The following TSPAN9 variants were observed in gnomAD, a reference collection of about 807,000 sequenced individuals.
TSPAN9 encodes tetraspanin 9, also known as tetraspanin-9.
A neutral mutation model predicts 31.0 loss-of-function variants in TSPAN9; 16 were observed. The ratio of observed to expected loss-of-function variants is 0.52; its 90% CI spans 0.35 to 0.78. The LOEUF (loss-of-function observed/expected upper bound fraction) is 0.78. Among genes scored for constraint, TSPAN9 ranks in the 30% least tolerant of loss-of-function variants. The pLI, the probability that TSPAN9 is intolerant of heterozygous loss-of-function variation, is 0.01. For synonymous variants in TSPAN9, 145 were observed against 121.6 expected (o/e 1.19, Z -1.27); for missense variants, 272 against 312.5 (o/e 0.87, Z 0.98).
chr12:3,219,288 G>A (rs1056204387), intron 3 of TSPAN9, among the ~76,000 whole-genome samples: 24 of 152,216 alleles, frequency 1.6e-4, no homozygotes, highest in Admixed American at 2.6e-4. Context: ...TGCCCTGTGC[G>A]GTTGTTGAGT....
Position 3,243,585 on chromosome 12 carries a change from G to A in TSPAN9, c.64-34836G>A, listed in dbSNP as rs552544983. Among the ~76,000 whole-genome samples, 117 of 152,300 alleles carry A rather than the reference G, an allele frequency of 7.7e-4. 1 individual carries two copies. Among genetic ancestry groups the A allele is most frequent in the African/African-American group, 2.7e-3 (114 of 41,582 alleles). On this transcript the variant is annotated intron_variant, in intron 3 of 8. Coordinates refer to ENST00000011898, the MANE Select transcript of TSPAN9 (RefSeq NM_006675.5). ...GCAGCTTAGGGCACAGCCAGATCAC[G>A]GCACAGGAAGCTTCAGTCGTGGGGA...
chr12:3,279,383 G>C (rs1862855037), intron 5 of TSPAN9, among the ~76,000 whole-genome samples: 2 of 152,246 alleles, frequency 1.3e-5, no homozygotes, highest in African/African-American at 2.4e-5. Context: ...CTCACTGGAA[G>C]GAATTAAGCT....
At chr12:3,174,309 C>T (rs2098353798) in intron 2 of TSPAN9, among the ~76,000 whole-genome samples, 1 of 152,206 alleles carries the variant, frequency 6.6e-6, no homozygotes, top group African/African-American at 2.4e-5. Flanking sequence ...TCAAGCGATC[C>T]TCCCACCTAA....
chr12:3,099,945 C>T (rs1206027480), intron 2 of TSPAN9, among the ~76,000 whole-genome samples: 1 of 151,724 alleles, frequency 6.6e-6, no homozygotes, highest in African/African-American at 2.4e-5. Context: ...GGGTTCATGC[C>T]ATTCTCCTGC....
chr12:3,111,563 A>G (rs1591632908), intron 2 of TSPAN9, among the ~76,000 whole-genome samples: 1 of 152,112 alleles, frequency 6.6e-6, no homozygotes, highest in Non-Finnish European at 1.5e-5. Context: ...ATAGATACTA[A>G]CACAAAAAAT....
chr12:3,178,876 G>A (rs2098357325), intron 2 of TSPAN9, among the ~76,000 whole-genome samples: 2 of 152,310 alleles, frequency 1.3e-5, no homozygotes, highest in South Asian at 4.1e-4. Context: ...TCTGCTGTGG[G>A]GGATCTGATG....
At position 3,168,860 on chromosome 12, in the gene TSPAN9, G is replaced by A. The variant is rs1329716828; in HGVS notation, c.-17-32317G>A. Among the ~76,000 whole-genome samples the A allele has an allele frequency of 1.3e-5, 2 of 152,152 alleles. No homozygotes were observed. The highest frequency in any genetic ancestry group is 2.9e-5 in the Non-Finnish European group (2 of 68,026). On this transcript the variant is annotated intron_variant, in intron 2 of 8. Transcript: ENST00000011898. The surrounding 1 kb of genome is among the most constrained non-coding windows in gnomAD (Gnocchi z 4.0). ...GCCTCGATGGCCCCGCCTCCCTCCC[G>A]GCCAGTGTGGGCGTGCAGATGGATG...
chr12:3,138,078 G>A (rs940084605), intron 2 of TSPAN9, among the ~76,000 whole-genome samples: 2 of 152,192 alleles, frequency 1.3e-5, no homozygotes, highest in Non-Finnish European at 2.9e-5. Context: ...CAGGAGCCTA[G>A]GACTGCATTT....
intron 5 of TSPAN9, among the ~76,000 whole-genome samples, chr12:3,279,358 G>A (rs889701694): frequency 2.6e-5 from 4 of 152,246 alleles, no homozygotes; most frequent in African/African-American, 7.2e-5. Context: ...TGCCTCTGGC[G>A]CTAGTGAGCT....
rs141288801 is a variant in TSPAN9 at position 3,079,219 on chromosome 12, T to G, written c.-85+1766T>G. 2.6e-3 allele frequency among the ~76,000 whole-genome samples: 396 copies of G among 152,338 alleles called. 2 individuals carry two copies. Among genetic ancestry groups the G allele is most frequent in the African/African-American group, 9.0e-3 (373 of 41,578 alleles). On this transcript the variant is annotated intron_variant, in intron 1 of 8. Transcript: ENST00000011898. ...GTCTTGAACTCCTGACCTCAAGTGATCCACCTGCCTTGGCCTCCCACAGTG... is the reference window on the plus strand; with the variant it reads ...GTCTTGAACTCCTGACCTCAAGTGAGCCACCTGCCTTGGCCTCCCACAGTG...
intron 2 of TSPAN9, among the ~76,000 whole-genome samples, chr12:3,186,949 G>C (rs2098361754): frequency 6.6e-6 from 1 of 152,172 alleles, no homozygotes; most frequent in African/African-American, 2.4e-5. Context: ...GTTCTTGAGA[G>C]CCTATTAGAA....
intron 3 of TSPAN9, among the ~76,000 whole-genome samples, chr12:3,268,369 T>C (rs1460686617): frequency 5.3e-3 from 366 of 68,568 alleles, no homozygotes; most frequent in African/African-American, 0.016. Flanking sequence ...GCCTGCCCTC[T>C]CTGTGTTCCT....
Position 3,263,366 on chromosome 12 carries a change from A to G in TSPAN9, c.64-15055A>G, listed in dbSNP as rs114664035. Among the ~76,000 whole-genome samples the G allele has an allele frequency of 4.6e-3, 706 of 152,310 alleles. 6 individuals are homozygous for G. The highest frequency in any genetic ancestry group is 0.016 in the African/African-American group (658 of 41,578). On this transcript the variant is annotated intron_variant, in intron 3 of 8. Transcript: ENST00000011898. ...AGCCGTGTTGTTTGGGCTTCATGACATCGCTTCGTCTAAAGGCTTACCTGT... is the reference window on the plus strand; with the variant it reads ...AGCCGTGTTGTTTGGGCTTCATGACGTCGCTTCGTCTAAAGGCTTACCTGT...
intron 2 of TSPAN9, among the ~76,000 whole-genome samples, chr12:3,090,281 T>C (rs1357448361): frequency 2.0e-5 from 3 of 152,358 alleles, no homozygotes; most frequent in East Asian, 3.9e-4. Flanking sequence ...CTATGCTGCA[T>C]AGACCACCCC....
At chr12:3,100,086 C>T (rs908250864) in intron 2 of TSPAN9, among the ~76,000 whole-genome samples, 35 of 152,128 alleles carry the variant, frequency 2.3e-4, no homozygotes, top group African/African-American at 8.0e-4. Flanking sequence ...CATGGTGATC[C>T]GCCCGCCTCG....
At chr12:3,253,216 C>T (rs957968195) in intron 3 of TSPAN9, among the ~76,000 whole-genome samples, 3 of 152,304 alleles carry the variant, frequency 2.0e-5, no homozygotes, top group Admixed American at 6.5e-5. Context: ...TAAGCAGGCC[C>T]GCGTTCCTAA....
At chr12:3,223,013 G>A (rs2098385352) in intron 3 of TSPAN9, among the ~76,000 whole-genome samples, 1 of 152,214 alleles carries the variant, frequency 6.6e-6, no homozygotes, top group African/African-American at 2.4e-5. Context: ...CACCGGGCAG[G>A]TGAGGGACCT....
chr12:3,278,251 C>T (rs1862826823), intron 3 of TSPAN9, among the ~76,000 whole-genome samples, 170 bp from the exon 4 acceptor site: 1 of 152,214 alleles, frequency 6.6e-6, no homozygotes, highest in South Asian at 2.1e-4. Context: ...CTGTCTGGGT[C>T]ACACAGCCGA....
intron 3 of TSPAN9, among the ~76,000 whole-genome samples, chr12:3,218,515 G>A (rs757237510): frequency 1.3e-5 from 2 of 152,244 alleles, no homozygotes; most frequent in Non-Finnish European, 2.9e-5. Flanking sequence ...GCCTTCTCAG[G>A]CAAGCCTGGG....
Sources: allele counts gnomAD v4.1 joint callset (sites outside exome capture counted in the v4.1 genomes callset), GRCh38; gene constraint gnomAD v4.1.1; non-coding constraint Gnocchi (gnomAD v3.1); transcripts MANE v1.5; gene names NCBI Gene and HGNC (gene_info 2026-07-23, HGNC 2026-07-21).